Variants in TXK observed in about 807,000 individuals in gnomAD.
The protein encoded by TXK is tyrosine-protein kinase TXK.
TXK carries 60 observed loss-of-function variants against 81.0 expected under a neutral mutation model. The ratio of observed to expected loss-of-function variants is 0.74; its 90% CI spans 0.60 to 0.92. TXK has a LOEUF of 0.92. Among genes scored for constraint, TXK ranks in the 40% least tolerant of loss-of-function variants. TXK has a pLI of 0.00. For synonymous variants in TXK, 203 were observed against 210.7 expected, an observed-to-expected ratio of 0.96 and a Z score of 0.32; for missense variants, 581 against 638.3, an observed-to-expected ratio of 0.91 and a Z score of 0.97.
rs576979779 is a variant in TXK at position 48,115,794 on chromosome 4, G to A, written c.17-1392C>T. Among the ~76,000 whole-genome samples the A allele has an allele frequency of 1.9e-4, 29 of 152,252 alleles. No homozygotes were observed. The South Asian group carries it at 6.0e-3, about 32-fold the overall frequency. ...CCCTTGAGCCTGGGAGATGGAGGCT[G>A]CAGTGAGCTGAGATTGCACCACTGC... is the stretch of plus-strand genomic sequence containing the variant. On this transcript the variant is annotated intron_variant, in intron 1 of 14. Coordinates refer to ENST00000264316, the MANE Select transcript of TXK (RefSeq NM_003328.3).
intron 1 of TXK, among the ~76,000 whole-genome samples, chr4:48,130,148 C>G (rs1314080451): frequency 1.3e-5 from 2 of 152,194 alleles, no homozygotes; most frequent in East Asian, 3.8e-4. Flanking sequence ...GCATCAAACT[C>G]CAGCCCCAGG....
rs545558112 is a variant in TXK, at chr4:48,134,112, A to G, written c.16+43T>C. 3.7e-6 allele frequency: 6 copies of G among 1,611,438 alleles called. No homozygotes were observed. The South Asian group carries it at 5.5e-5, about 15-fold the overall frequency. ...CTGCTGTTCAAGAATAACAGGCCCC[A>G]GAACAAGCCCCAAAAATAAATGACA... is the stretch of plus-strand genomic sequence containing the variant. On this transcript the variant is annotated intron_variant, in intron 1 of 14. Coordinates refer to ENST00000264316, the MANE Select transcript of TXK (RefSeq NM_003328.3).
In TXK at chr4:48,112,489, C is replaced by T. The variant is rs34199613; in HGVS notation, c.198G>A (p.Pro66=). The part of the protein sequence containing the change: ...KKQSNTGRVQ[P]SKRKPLPPLP... ...GGGGAGGCAGTGGCTTTCGTTTTGA[C>T]GGCTGCACACGGCCCGTGTTGGACT... Residue 66 remains proline (P), a synonymous_variant, in exon 4 of 15, where the codon CCG becomes CCA. Transcript: ENST00000264316. 3.0e-3 allele frequency: 4,919 copies of T among 1,613,862 alleles called. 143 individuals are homozygous for T. The African/African-American group carries it at 0.058, about 19-fold the overall frequency.
At chr4:48,091,229 T>C (rs940747571) in intron 8 of TXK, among the ~76,000 whole-genome samples, 5 of 152,220 alleles carry the variant, frequency 3.3e-5, no homozygotes, top group African/African-American at 1.2e-4. Flanking sequence ...GAGATGAAAC[T>C]AACACATGGA....
intron 1 of TXK, among the ~76,000 whole-genome samples, chr4:48,116,316 G>C (rs1439536011): frequency 6.6e-6 from 1 of 152,144 alleles, no homozygotes; most frequent in Non-Finnish European, 1.5e-5. Flanking sequence ...AATCAAGAAG[G>C]CTGATTATAA....
intron 8 of TXK, among the ~76,000 whole-genome samples, chr4:48,090,882 C>A (rs1717739157): frequency 6.6e-6 from 1 of 152,222 alleles, no homozygotes; most frequent in African/African-American, 2.4e-5. Context: ...TGATGAAGAG[C>A]CTTCCAGGTA....
At chr4:48,085,602 C>T (rs940350780) in intron 10 of TXK, among the ~76,000 whole-genome samples, 7 of 152,108 alleles carry the variant, frequency 4.6e-5, no homozygotes, top group Non-Finnish European at 1.5e-5. Flanking sequence ...CCAGATGCTG[C>T]CCTTTCCAAG....
chr4:48,102,668 A>G (rs1459734022), intron 6 of TXK, among the ~76,000 whole-genome samples: 1 of 152,236 alleles, frequency 6.6e-6, no homozygotes, highest in Non-Finnish European at 1.5e-5. Context: ...AAGAAAATTC[A>G]TTGCAGCACT....
intron 6 of TXK, among the ~76,000 whole-genome samples, chr4:48,102,766 A>C (rs1577669496): frequency 6.6e-6 from 1 of 152,230 alleles, no homozygotes; most frequent in East Asian, 1.9e-4. Context: ...ATGCTAATAC[A>C]CAGTTAAAGG....
intron 1 of TXK, among the ~76,000 whole-genome samples, chr4:48,125,133 GA>G (rs755826268): frequency 2.3e-4 from 35 of 152,158 alleles, no homozygotes; most frequent in Non-Finnish European, 4.4e-4. Flanking sequence ...AGAAACAGAG[GA>G]ACAGAGAGCT....
Position 48,124,965 on chromosome 4 carries a change from C to T in TXK, c.16+9190G>A, listed in dbSNP as rs1477640574. On this transcript the variant is annotated intron_variant, in intron 1 of 14. Transcript: ENST00000264316. ...ATTTTGGGCAATCAAATCTAGAAAA[C>T]GTAGGTAATAAAAGTTGTCTTCTAA... is the stretch of plus-strand genomic sequence containing the variant. Among the ~76,000 whole-genome samples, 7 of 152,236 alleles carry T rather than the reference C, an allele frequency of 4.6e-5. No homozygotes were observed. In the East Asian group the frequency reaches 5.8e-4, roughly 13 times the overall value.
Position 48,095,149 on chromosome 4 carries a change from G to T in TXK, c.575C>A (p.Ala192Asp). 1 of 1,612,076 alleles carries T rather than the reference G, an allele frequency of 6.2e-7. No homozygotes were observed. The highest frequency in any genetic ancestry group is 8.5e-7 in the Non-Finnish European group (1 of 1,178,314). The change falls in exon 7 of 15, where the codon GCT (alanine) becomes GAT (aspartate). Residue 192 changes from alanine (A) to aspartate (D), a missense_variant. Coordinates refer to ENST00000264316, the MANE Select transcript of TXK (RefSeq NM_003328.3). ...GSYTISVFMG[A>D]RRSTEAAIKH... is the part of the protein sequence containing the mutation. ...CAAAATCACAAGTGCTTACCTTCTAGCTCCCATAAATACGGAAATTGTGTA... is the reference window on the plus strand; with the variant it reads ...CAAAATCACAAGTGCTTACCTTCTATCTCCCATAAATACGGAAATTGTGTA...
chr4:48,089,616 G>A (rs922075042), intron 9 of TXK, 134 bp downstream of exon 9: 12 of 616,112 alleles, frequency 1.9e-5, no homozygotes, highest in South Asian at 1.2e-4. Flanking sequence ...GGTCTTGAAC[G>A]CCTGACCTAA....
intron 1 of TXK, among the ~76,000 whole-genome samples, chr4:48,118,802 T>C (rs573103063): frequency 6.6e-6 from 1 of 152,298 alleles, no homozygotes; most frequent in Admixed American, 6.5e-5. Flanking sequence ...TCTCTGGACC[T>C]CTAAATATAT....
At chr4:48,110,475 C>A in intron 5 of TXK, 63 bp downstream of exon 5, 1 of 1,217,644 alleles carries the variant, frequency 8.2e-7, no homozygotes, top group Non-Finnish European at 1.2e-6. Context: ...AAAACAGTAT[C>A]TATACTTACA....
chr4:48,107,758 C>T (rs11941225), intron 5 of TXK, among the ~76,000 whole-genome samples: 6 of 151,706 alleles, frequency 4.0e-5, no homozygotes, highest in Non-Finnish European at 7.4e-5. Flanking sequence ...CATAACACTA[C>T]GATTTAAAAT....
At chr4:48,132,040 A>ATT (rs35357614) in intron 1 of TXK, among the ~76,000 whole-genome samples, 3,452 of 138,836 alleles carry the variant, frequency 0.025, 39 homozygotes, top group Middle Eastern at 0.044. Flanking sequence ...GAATAACCTG[A>ATT]TTTTTTTTTT....
chr4:48,070,233 G>T (rs1716782629), intron 14 of TXK, among the ~76,000 whole-genome samples: 1 of 152,220 alleles, frequency 6.6e-6, no homozygotes. Flanking sequence ...AAGGGCAGGG[G>T]TGTGTTGAGT....
chr4:48,118,122 G>A (rs1003529477), intron 1 of TXK, among the ~76,000 whole-genome samples: 6 of 152,126 alleles, frequency 3.9e-5, no homozygotes, highest in African/African-American at 9.7e-5. Flanking sequence ...CCCATGAATC[G>A]AGGTAGATCG....
Sources: gnomAD v4.1 joint callset for allele counts (sites outside exome capture counted in the v4.1 genomes callset) on GRCh38, gnomAD v4.1.1 for gene constraint, MANE v1.5 for transcripts, NCBI Gene and HGNC (gene_info 2026-07-23, HGNC 2026-07-21) for gene names.